The following RBFOX1 variants were observed in gnomAD, a reference collection of about 807,000 sequenced individuals.
The protein encoded by RBFOX1 is RNA binding protein fox-1 homolog 1.
A neutral mutation model predicts 57.7 loss-of-function variants in RBFOX1; 8 were observed. The ratio of observed to expected loss-of-function variants is 0.14; its 90% CI spans 0.08 to 0.25. The LOEUF (loss-of-function observed/expected upper bound fraction) is 0.25. RBFOX1 is among the 10% of genes least tolerant of loss of function. The probability of loss-of-function intolerance (pLI) is 1.00; values close to 1 mark genes in which losing one functional copy is unlikely to be tolerated. For missense variants in RBFOX1, 611 were observed against 548.5 expected (o/e 1.11, Z -1.14); for synonymous variants, 326 against 222.4 (o/e 1.47, Z -4.15).
At chr16:7,696,856 C>T (rs887094371) in intron 14 of RBFOX1, among the ~76,000 whole-genome samples, 8 of 152,064 alleles carry the variant, frequency 5.3e-5, no homozygotes, top group African/African-American at 7.2e-5. Flanking sequence ...ATAAAGTGAA[C>T]GTGTGACCCA....
At chr16:7,192,431 G>C (rs1311101457) in intron 4 of RBFOX1, among the ~76,000 whole-genome samples, 1 of 152,190 alleles carries the variant, frequency 6.6e-6, no homozygotes, top group East Asian at 1.9e-4. Flanking sequence ...ATAGAGGCCA[G>C]AAGGGTCCCT....
intron 2 of RBFOX1, among the ~76,000 whole-genome samples, chr16:6,406,805 G>C (rs966027399): frequency 6.6e-6 from 1 of 152,120 alleles, no homozygotes; most frequent in African/African-American, 2.4e-5. Flanking sequence ...TCCATTCAGA[G>C]CTGGAAAACT....
intron 1 of RBFOX1, among the ~76,000 whole-genome samples, chr16:6,109,942 C>A (rs2096425311): frequency 6.6e-6 from 1 of 152,048 alleles, no homozygotes; most frequent in Non-Finnish European, 1.5e-5. Context: ...TGTGGTTTTA[C>A]TTTTTATGTT....
chr16:5,408,458 G>T lies in RBFOX1; in HGVS notation c.220-58758G>T, dbSNP rs144892070. On this transcript the variant is annotated intron_variant, in intron 1 of 2. Coordinates refer to the RBFOX1 transcript ENST00000585867. ...ATTCAGAGGCCTTAAACTGAAGTCT[G>T]CACTCTGTGCTGGGAGTGGGTTCTC... Among the ~76,000 whole-genome samples, 700 of 152,296 alleles carry T rather than the reference G, an allele frequency of 4.6e-3. 6 individuals are homozygous for T. The highest frequency in any genetic ancestry group is 0.016 in the African/African-American group (682 of 41,552).
At chr16:7,693,594 T>C (rs1037161875) in intron 14 of RBFOX1, among the ~76,000 whole-genome samples, 2 of 152,116 alleles carry the variant, frequency 1.3e-5, no homozygotes, top group Admixed American at 1.3e-4. Flanking sequence ...GTTTTAATAA[T>C]ACATGGTCCA....
At chr16:7,445,520 G>C (rs1046601657) in intron 4 of RBFOX1, among the ~76,000 whole-genome samples, 3 of 152,154 alleles carry the variant, frequency 2.0e-5, no homozygotes, top group Admixed American at 6.5e-5. Context: ...GCATCAAATA[G>C]GAGTGACAGG....
At chr16:6,322,500 C>T (rs920972284) in intron 2 of RBFOX1, among the ~76,000 whole-genome samples, 2 of 149,782 alleles carry the variant, frequency 1.3e-5, no homozygotes, top group Non-Finnish European at 3.0e-5. Flanking sequence ...GTTAAGCCCT[C>T]CTGATAATGA....
intron 3 of RBFOX1, among the ~76,000 whole-genome samples, chr16:6,898,436 A>T (rs528242375): frequency 2.0e-5 from 3 of 152,146 alleles, no homozygotes; most frequent in African/African-American, 7.2e-5. Context: ...CTGTGGTAGT[A>T]AGCATTTGGA....
In RBFOX1 at chr16:6,394,426, T is replaced by C. The variant is rs115016664; in HGVS notation, c.-64+77369T>C. ...AACTGAATTACAGGCACTTGGCTGC[T>C]GGTGGGAGTGGGGGAAGAAAGAATA... On this transcript the variant is annotated intron_variant, in intron 2 of 15. Transcript: ENST00000550418. 8.3e-3 allele frequency among the ~76,000 whole-genome samples: 1,258 copies of C among 152,238 alleles called. 16 individuals are homozygous for C. Among genetic ancestry groups the C allele is most frequent in the African/African-American group, 0.029 (1,210 of 41,534 alleles).
At chr16:5,344,051 A>C (rs115892397) in intron 1 of RBFOX1, among the ~76,000 whole-genome samples, 2 of 152,312 alleles carry the variant, frequency 1.3e-5, no homozygotes, top group African/African-American at 4.8e-5. Context: ...GATGGGGTGC[A>C]AATGTTTATA....
intron 1 of RBFOX1, among the ~76,000 whole-genome samples, chr16:6,200,771 C>T (rs2097209730): frequency 6.6e-6 from 1 of 152,072 alleles, no homozygotes; most frequent in African/African-American, 2.4e-5. Flanking sequence ...GGGGACTTAC[C>T]TGAAACCAGA....
Position 5,726,377 on chromosome 16 carries a change from C to T in RBFOX1, c.318+127416C>T, listed in dbSNP as rs1467275795. On this transcript the variant is annotated intron_variant, in intron 3 of 19. Transcript: ENST00000641259. ...CTCTAAATTAAATACTGCTGAATGG[C>T]CCGCATCTACTAAACCTCCTCCCTC... Among the ~76,000 whole-genome samples the T allele has an allele frequency of 3.3e-5, 5 of 152,160 alleles. No individual in the cohort carries two copies. The East Asian group carries it at 9.6e-4, about 29-fold the overall frequency.
Position 5,580,861 on chromosome 16 carries a change from A to G in RBFOX1, c.259-18041A>G, listed in dbSNP as rs187603903. Reference sequence around the variant, plus strand: ...CCTGTCTTAATGATCCCATTCCTCAAAAGACAGAGCTGGGAATGACATGCA... The same window carrying G: ...CCTGTCTTAATGATCCCATTCCTCAGAAGACAGAGCTGGGAATGACATGCA... On this transcript the variant is annotated intron_variant, in intron 2 of 2. Coordinates refer to the RBFOX1 transcript ENST00000585867. 2.2e-4 allele frequency among the ~76,000 whole-genome samples: 33 copies of G among 152,304 alleles called. 1 individual carries two copies. In the East Asian group the frequency reaches 6.2e-3, roughly 29 times the overall value.
At chr16:6,866,514 AAT>A (rs1567627294) in intron 3 of RBFOX1, among the ~76,000 whole-genome samples, 3 of 148,848 alleles carry the variant, frequency 2.0e-5, no homozygotes, top group African/African-American at 7.4e-5. Context: ...TAAAAAAAAA[AAT>A]AAGGTTAGGG....
chr16:7,018,221 G>A (rs1230670666), intron 3 of RBFOX1, among the ~76,000 whole-genome samples: 1 of 152,010 alleles, frequency 6.6e-6, no homozygotes, highest in Non-Finnish European at 1.5e-5. Flanking sequence ...TGAAGAAGGG[G>A]GCATTCTCTA....
At chr16:5,770,315 A>G (rs1417268251) in intron 3 of RBFOX1, among the ~76,000 whole-genome samples, 1 of 152,198 alleles carries the variant, frequency 6.6e-6, no homozygotes. Context: ...AGCTGCCCTC[A>G]CTGCTCTTTG....
intron 4 of RBFOX1, among the ~76,000 whole-genome samples, chr16:7,245,114 G>T (rs551253064): frequency 3.4e-4 from 51 of 152,210 alleles, no homozygotes; most frequent in African/African-American, 1.2e-3. Flanking sequence ...CCATTTAATT[G>T]TTGTTACTTA....
chr16:7,421,851 G>C (rs1173077448), intron 4 of RBFOX1, among the ~76,000 whole-genome samples: 1 of 152,240 alleles, frequency 6.6e-6, no homozygotes, highest in African/African-American at 2.4e-5. Context: ...TGCAAATAGA[G>C]AGTGTTCATT....
At chr16:7,471,808 T>C (rs2061600469) in intron 4 of RBFOX1, among the ~76,000 whole-genome samples, 1 of 152,216 alleles carries the variant, frequency 6.6e-6, no homozygotes, top group Non-Finnish European at 1.5e-5. Flanking sequence ...TTCTCTACTG[T>C]CTGGGAGCTC....
Sources: gnomAD v4.1 joint callset for allele counts (sites outside exome capture counted in the v4.1 genomes callset) on GRCh38, gnomAD v4.1.1 for gene constraint, MANE v1.5 for transcripts, NCBI Gene and HGNC (gene_info 2026-07-23, HGNC 2026-07-21) for gene names.